The following PKIB variants were observed in gnomAD, a reference collection of about 807,000 sequenced individuals.
PKIB encodes PKI-beta.
Under a neutral mutation model 4.5 loss-of-function variants are expected in PKIB, and 2 were observed. That is an observed-to-expected ratio of 0.44 (90% CI 0.18 to 1.39). PKIB has a LOEUF of 1.39. PKIB is among the 40% of genes most tolerant of loss of function. The pLI is 0.27. For missense variants in PKIB, 94 were observed against 92.6 expected, an observed-to-expected ratio of 1.02 and a Z score of -0.06; for synonymous variants, 38 against 36.0, an observed-to-expected ratio of 1.06 and a Z score of -0.20.
intron 2 of PKIB, among the ~76,000 whole-genome samples, chr6:122,520,923 A>G (rs1276382268): frequency 1.3e-5 from 2 of 152,154 alleles, no homozygotes; most frequent in African/African-American, 2.4e-5. Flanking sequence ...CCCTGCAAAA[A>G]GTTGTTGAAA....
intron 2 of PKIB, among the ~76,000 whole-genome samples, chr6:122,553,478 C>CTTTTTTTTTTTTTT (rs1562249215): frequency 1.1e-3 from 53 of 48,886 alleles, no homozygotes; most frequent in African/African-American, 4.1e-3. Context: ...GCTCAAATAT[C>CTTTTTTTTTTTTTT]TTCTTTTTTT....
chr6:122,637,116 A>T (rs949905599), intron 2 of PKIB, among the ~76,000 whole-genome samples: 3 of 152,248 alleles, frequency 2.0e-5, no homozygotes, highest in Non-Finnish European at 2.9e-5. Context: ...AGATTGGCAA[A>T]TAATTTCATA....
intron 2 of PKIB, among the ~76,000 whole-genome samples, chr6:122,569,043 G>A (rs1383331004): frequency 2.0e-5 from 3 of 152,146 alleles, no homozygotes. Flanking sequence ...ACCAAAGGCA[G>A]TTATACTCCC....
At chr6:122,587,134 TCATTTAG>T (rs1176367551) in intron 3 of PKIB, among the ~76,000 whole-genome samples, 1 of 152,090 alleles carries the variant, frequency 6.6e-6, no homozygotes, top group Non-Finnish European at 1.5e-5. Context: ...CATGAACTCT[TCATTTAG>T]CATTAGGTAG....
chr6:122,703,172 T>C (rs544080559), intron 3 of PKIB, among the ~76,000 whole-genome samples: 1 of 152,338 alleles, frequency 6.6e-6, no homozygotes, highest in Non-Finnish European at 1.5e-5. Context: ...AATGTACACA[T>C]GCATATTGTC....
chr6:122,572,561 CAAGG>C (rs1005907150), intron 2 of PKIB, among the ~76,000 whole-genome samples: 7 of 145,488 alleles, frequency 4.8e-5, no homozygotes, highest in Non-Finnish European at 7.5e-5. Context: ...TGTCACACCT[CAAGG>C]AAATAGAGAA....
intron 3 of PKIB, among the ~76,000 whole-genome samples, chr6:122,697,384 G>A (rs950246802): frequency 6.6e-6 from 1 of 151,916 alleles, no homozygotes; most frequent in Non-Finnish European, 1.5e-5. Flanking sequence ...TTTGACATCA[G>A]TTTAAATCTT....
chr6:122,548,456 G>T (rs369112599), intron 2 of PKIB, among the ~76,000 whole-genome samples: 1 of 152,124 alleles, frequency 6.6e-6, no homozygotes, highest in Admixed American at 6.5e-5. Context: ...GAAAGCATAC[G>T]TAGAGAATGA....
At chr6:122,480,363 A>G (rs1322964578) in intron 2 of PKIB, 1 of 152,112 alleles carries the variant, frequency 6.6e-6, no homozygotes, top group Non-Finnish European at 1.5e-5. Flanking sequence ...TTTTTAATAA[A>G]ATTGCTAACC....
At chr6:122,519,311 A>T (rs1776863531) in intron 2 of PKIB, among the ~76,000 whole-genome samples, 1 of 152,160 alleles carries the variant, frequency 6.6e-6, no homozygotes. Context: ...TAGTTGCAGG[A>T]AAACAAGCTC....
intron 2 of PKIB, among the ~76,000 whole-genome samples, chr6:122,663,102 T>C (rs1777073899): frequency 6.6e-6 from 1 of 152,210 alleles, no homozygotes. Flanking sequence ...TGGGTAATTG[T>C]GGTGATAGCT....
chr6:122,607,885 C>A (rs9490492), upstream of PKIB, among the ~76,000 whole-genome samples: 1,967 of 152,314 alleles, frequency 0.013, 50 homozygotes, highest in African/African-American at 0.045. Flanking sequence ...TGGATATGCA[C>A]CTTCTGCCCC....
rs184895080 is a variant in PKIB at position 122,511,554 on chromosome 6, G to A, written c.-248+33615G>A. Among the ~76,000 whole-genome samples the A allele has an allele frequency of 5.3e-3, 812 of 152,206 alleles. 7 individuals carry two copies. The highest frequency in any genetic ancestry group is 0.018 in the African/African-American group (762 of 41,506). On this transcript the variant is annotated intron_variant, in intron 2 of 6. Transcript: ENST00000392491. ...CCATGTTGGGTGACAAAATGTTGGG[G>A]GCACCACCCATAGGGTACCCGAACT...
intron 3 of PKIB, among the ~76,000 whole-genome samples, chr6:122,686,523 G>A (rs181668931): frequency 2.8e-3 from 427 of 151,364 alleles, no homozygotes; most frequent in Non-Finnish European, 4.9e-3. Flanking sequence ...TTCGAGAAAG[G>A]ATCTCACTCT....
intron 3 of PKIB, among the ~76,000 whole-genome samples, chr6:122,687,319 G>A (rs933799118): frequency 3.3e-5 from 5 of 152,010 alleles, no homozygotes; most frequent in Non-Finnish European, 5.9e-5. Flanking sequence ...CTATTCCATT[G>A]GTCTATATGT....
intron 1 of PKIB, among the ~76,000 whole-genome samples, chr6:122,616,912 C>A (rs565962891): frequency 6.6e-6 from 1 of 152,068 alleles, no homozygotes; most frequent in African/African-American, 2.4e-5. Flanking sequence ...GACGAGTAGG[C>A]AAAGAGAGTA....
chr6:122,575,263 A>G (rs1773493465), intron 2 of PKIB, among the ~76,000 whole-genome samples: 1 of 152,158 alleles, frequency 6.6e-6, no homozygotes. Context: ...AGATGTTGGC[A>G]TGGATGTGGT....
intron 2 of PKIB, among the ~76,000 whole-genome samples, chr6:122,497,200 C>G (rs1776096637): frequency 6.6e-6 from 1 of 152,124 alleles, no homozygotes; most frequent in Non-Finnish European, 1.5e-5. Flanking sequence ...TACCTCTAGA[C>G]CAGCCTTACA....
intron 2 of PKIB, among the ~76,000 whole-genome samples, chr6:122,542,798 T>C (rs1323969795): frequency 3.9e-5 from 6 of 152,146 alleles, no homozygotes. Context: ...TTTGTTTGTC[T>C]GTGCCCTGCC....
Sources: gnomAD v4.1 joint callset for allele counts (sites outside exome capture counted in the v4.1 genomes callset) on GRCh38, gnomAD v4.1.1 for gene constraint, MANE v1.5 for transcripts, NCBI Gene and HGNC (gene_info 2026-07-23, HGNC 2026-07-21) for gene names.